Variants in MYH15 observed in about 807,000 individuals in gnomAD.
MYH15 encodes the protein myosin heavy chain 15.
MYH15 carries 227 observed loss-of-function variants against 240.5 expected under a neutral mutation model. The observed-to-expected ratio is 0.94, with a 90% CI of 0.85 to 1.05. The LOEUF is 1.05. Among genes scored for constraint, MYH15 ranks in the 50% least tolerant of loss-of-function variants. The probability of loss-of-function intolerance (pLI) is 0.00; values close to 1 mark genes in which losing one functional copy is unlikely to be tolerated. For missense variants in MYH15, 2,217 were observed against 2,247.5 expected, an observed-to-expected ratio of 0.99 and a Z score of 0.27; for synonymous variants, 785 against 796.7, an observed-to-expected ratio of 0.99 and a Z score of 0.25.
intron 21 of MYH15, among the ~76,000 whole-genome samples, chr3:108,447,454 T>C (rs1037616665): frequency 6.6e-6 from 1 of 152,126 alleles, no homozygotes; most frequent in African/African-American, 2.4e-5. Flanking sequence ...AGAGAGAATT[T>C]TGAATGCAGC....
intron 1 of MYH15, among the ~76,000 whole-genome samples, chr3:108,526,075 G>A (rs1356872625): frequency 6.6e-6 from 1 of 152,048 alleles, no homozygotes. Flanking sequence ...AAACTCCCAG[G>A]TCTGTCATTC....
chr3:108,452,558 AC>A (rs1473738222), intron 21 of MYH15, among the ~76,000 whole-genome samples: 28 of 152,208 alleles, frequency 1.8e-4, no homozygotes, highest in African/African-American at 5.8e-4. Context: ...AATATAAAAG[AC>A]AAACTTCAGG....
rs1177122348 is a variant in MYH15, at chr3:108,394,028, C to T, written c.5259+3G>A. ...GGATTGAGTACGTGGTCAAGGGACC[C>T]ACCTCAATGGCTGCCTTCTTGGCCT... On this transcript the variant is annotated splice_donor_region_variant and intron_variant, in intron 36 of 40. Transcript: ENST00000693548. 3 of 1,613,656 alleles carry T rather than the reference C, an allele frequency of 1.9e-6. No homozygotes were observed. The highest frequency in any genetic ancestry group is 2.5e-6 in the Non-Finnish European group (3 of 1,179,944).
intron 39 of MYH15, among the ~76,000 whole-genome samples, chr3:108,384,323 T>C (rs1441150801): frequency 6.6e-6 from 1 of 152,184 alleles, no homozygotes; most frequent in Admixed American, 6.5e-5. Context: ...GAACAAATAC[T>C]GTGAACCATG....
chr3:108,398,101 G>C (rs955552581), intron 35 of MYH15, among the ~76,000 whole-genome samples: 1 of 152,172 alleles, frequency 6.6e-6, no homozygotes, highest in Non-Finnish European at 1.5e-5. Flanking sequence ...AGGGAGGTAG[G>C]GGGTAAATGA....
In MYH15 at chr3:108,443,310, A is replaced by AGCCTGTTG. The variant is rs545412410; in HGVS notation, c.2655+1322_2655+1329dup. On this transcript the variant is annotated intron_variant, in intron 22 of 40. Coordinates refer to ENST00000693548, the MANE Select transcript of MYH15 (RefSeq NM_014981.3). Reference sequence around the variant, plus strand: ...GGGTGTAAAGTCTTACATAAAATACAGCCTGTTGGCATGCTGGTAGATAAT... The same window carrying AGCCTGTTG: ...GGGTGTAAAGTCTTACATAAAATACAGCCTGTTGGCCTGTTGGCATGCTGGTAGATAAT... Among the ~76,000 whole-genome samples the AGCCTGTTG allele has an allele frequency of 4.9e-4, 74 of 152,340 alleles. 2 individuals are homozygous for AGCCTGTTG. The East Asian group carries it at 0.014, about 29-fold the overall frequency.
intron 30 of MYH15, among the ~76,000 whole-genome samples, chr3:108,411,212 T>C (rs2082590754): frequency 6.6e-6 from 1 of 152,124 alleles, no homozygotes; most frequent in African/African-American, 2.4e-5. Context: ...TATTTGCTTA[T>C]CCTAAAGCTC....
chr3:108,478,639 C>A (rs1448646661), intron 11 of MYH15, among the ~76,000 whole-genome samples: 1 of 149,768 alleles, frequency 6.7e-6, no homozygotes, highest in Non-Finnish European at 1.5e-5. Context: ...TGAACAGTAA[C>A]CAACAATGTG....
chr3:108,510,550 C>T lies in MYH15; in HGVS notation c.-20G>A. The T allele has an allele frequency of 1.2e-6, 2 of 1,603,428 alleles. No homozygotes were observed. The highest frequency in any genetic ancestry group is 4.5e-5 in the East Asian group (2 of 44,546). On this transcript the variant is annotated 5_prime_UTR_variant, in exon 1 of 41. Coordinates refer to ENST00000693548, the MANE Select transcript of MYH15 (RefSeq NM_014981.3). ...ATCCATCTTTATTAAAGCAATCCAC[C>T]AAAAAAAGGCCCTAAACGTGAGTAG...
chr3:108,544,386 T>A, the MYH15 span, among the ~76,000 whole-genome samples: 4 of 152,140 alleles, frequency 2.6e-5, no homozygotes, highest in Non-Finnish European at 4.4e-5. Context: ...AGAACTAACC[T>A]TACAAAGAAA....
rs777701757 is a variant in MYH15 at position 108,394,156 on chromosome 3, T to C, written c.5134A>G (p.Asn1712Asp). Reference sequence around the variant, plus strand: ...TTCTTCTGGCTGAGGAGGCTTGTGTTCTAAAGAAAAGCAGCATTCCTATTA... The same window carrying C: ...TTCTTCTGGCTGAGGAGGCTTGTGTCCTAAAGAAAAGCAGCATTCCTATTA... Reference protein sequence around the residue: ...TERINLFYTQNTSLLSQKKKL... With the variant: ...TERINLFYTQDTSLLSQKKKL... The change falls in exon 36 of 41, where the codon AAC becomes GAC. Residue 1712 changes from asparagine (N) to aspartate (D), a missense_variant and splice_region_variant. Asn to Asp is a conservative substitution (Grantham distance 23). Coordinates refer to ENST00000693548, the MANE Select transcript of MYH15 (RefSeq NM_014981.3). 2 of 1,613,822 alleles carry C rather than the reference T, an allele frequency of 1.2e-6. No homozygotes were observed. The highest frequency in any genetic ancestry group is 2.2e-5 in the East Asian group (1 of 44,896).
At chr3:108,436,694 A>C (rs2082840532) in intron 25 of MYH15, among the ~76,000 whole-genome samples, 1 of 152,078 alleles carries the variant, frequency 6.6e-6, no homozygotes, top group Admixed American at 6.5e-5. Context: ...ACATGCCATC[A>C]CGCCCAGCTA....
chr3:108,469,204 C>T (rs1348303922), intron 14 of MYH15, among the ~76,000 whole-genome samples: 5 of 152,168 alleles, frequency 3.3e-5, no homozygotes, highest in Middle Eastern at 3.2e-3. Context: ...AGGTCAGTTG[C>T]CCTAGCTCCT....
At chr3:108,529,265 T>C (rs1239347664) in exon 1 of MYH15, 2 of 1,603,540 alleles carry the variant, frequency 1.2e-6, no homozygotes, top group Non-Finnish European at 1.7e-6. Context: ...CCACTCACCA[T>C]GATCTTTTTG....
At chr3:108,428,415 T>C in intron 27 of MYH15, 77 bp downstream of exon 27, 1 of 1,496,718 alleles carries the variant, frequency 6.7e-7, no homozygotes, top group African/African-American at 1.4e-5. Flanking sequence ...CTTATTTTTC[T>C]TTTCCCTCCC....
intron 28 of MYH15, among the ~76,000 whole-genome samples, 169 bp downstream of exon 28, chr3:108,420,919 C>T (rs1287757780): frequency 2.0e-5 from 3 of 152,074 alleles, no homozygotes; most frequent in African/African-American, 7.2e-5. Flanking sequence ...GGTAACACTT[C>T]CTAGACAAGA....
At chr3:108,383,097 A>G (rs999931476) in intron 40 of MYH15, among the ~76,000 whole-genome samples, 6 of 152,154 alleles carry the variant, frequency 3.9e-5, no homozygotes, top group Non-Finnish European at 7.3e-5. Flanking sequence ...GGGCAGAATC[A>G]GGAATATAAA....
At chr3:108,425,068 T>G (rs2082715583) in intron 27 of MYH15, among the ~76,000 whole-genome samples, 1 of 152,170 alleles carries the variant, frequency 6.6e-6, no homozygotes, top group Non-Finnish European at 1.5e-5. Context: ...AATGCATAAG[T>G]ATAAAGAGGG....
At chr3:108,531,486 T>C (rs2083709985), upstream of MYH15, among the ~76,000 whole-genome samples, 1 of 152,166 alleles carries the variant, frequency 6.6e-6, no homozygotes, top group Admixed American at 6.5e-5. Context: ...CCAAGGTCAA[T>C]GGCCTCTGAT....
Sources: gnomAD v4.1 joint callset for allele counts (sites outside exome capture counted in the v4.1 genomes callset) on GRCh38, gnomAD v4.1.1 for gene constraint, MANE v1.5 for transcripts, NCBI Gene and HGNC (gene_info 2026-07-23, HGNC 2026-07-21) for gene names.